DMD: variants seen among roughly 807,000 people sequenced by gnomAD.
DMD encodes mutant dystrophin.
A neutral mutation model predicts 330.1 loss-of-function variants in DMD; 63 were observed. That is an observed-to-expected ratio of 0.19 (90% CI 0.16 to 0.24). DMD has a LOEUF of 0.24. Ranked by LOEUF, DMD falls within the 10% of genes least tolerant of loss-of-function variation. The pLI is 1.00. For synonymous variants in DMD, 1,223 were observed against 959.8 expected (o/e 1.27, Z -5.07); for missense variants, 3,344 against 2,684.1 (o/e 1.25, Z -5.43).
chrX:33,324,993 T>C (rs1448559266), intron 1 of DMD, among the ~76,000 whole-genome samples: 1 of 111,925 alleles, frequency 8.9e-6, no homozygotes, highest in Non-Finnish European at 1.9e-5. Flanking sequence ...ACAATGTTTG[T>C]AAATGTAGTC....
At chrX:32,708,376 C>A (rs1018007138) in intron 7 of DMD, among the ~76,000 whole-genome samples, 5 of 109,046 alleles carry the variant, frequency 4.6e-5, no homozygotes, top group Non-Finnish European at 9.5e-5. Context: ...TTGATCAAAT[C>A]CTGACCCTAT....
intron 18 of DMD, among the ~76,000 whole-genome samples, chrX:32,511,207 T>G (rs753445916): frequency 9.9e-5 from 11 of 110,562 alleles, no homozygotes; most frequent in African/African-American, 3.6e-4. Context: ...CCTTCACTAC[T>G]GTACAAAAAG....
At chrX:32,199,780 TTGTGTGTGTGTGTG>T (rs35897988) in intron 44 of DMD, among the ~76,000 whole-genome samples, 61 of 84,140 alleles carry the variant, frequency 7.2e-4, no homozygotes, top group African/African-American at 2.1e-3. Flanking sequence ...CGCAAGGCTT[TTGTGTGTGTGTGTG>T]TGTGTGTGTG....
chrX:32,595,626 G>A, intron 13 of DMD, 131 bp downstream of exon 13: 2 of 603,322 alleles, frequency 3.3e-6, no homozygotes, highest in Non-Finnish European at 2.7e-6. Context: ...GATTATGAGT[G>A]TGTGTATATT....
intron 44 of DMD, among the ~76,000 whole-genome samples, chrX:32,032,951 AACAGATTC>A (rs373704074): frequency 1.9e-4 from 21 of 112,450 alleles, no homozygotes; most frequent in African/African-American, 6.5e-4. Context: ...GAAAAAAGGC[AACAGATTC>A]ACAATAGCTA....
At chrX:31,643,517 A>C (rs1439027345) in intron 54 of DMD, among the ~76,000 whole-genome samples, 1 of 112,054 alleles carries the variant, frequency 8.9e-6, no homozygotes, top group African/African-American at 3.2e-5. Flanking sequence ...ATCTGCATGA[A>C]AAATAATAGG....
At chrX:33,234,677 G>A (rs1465979207) in intron 1 of DMD, among the ~76,000 whole-genome samples, 1 of 111,882 alleles carries the variant, frequency 8.9e-6, no homozygotes, top group Non-Finnish European at 1.9e-5. Context: ...TCTAGATTAT[G>A]TATATTGTCT....
At chrX:31,991,312 G>A (rs1214195657) in intron 44 of DMD, among the ~76,000 whole-genome samples, 2 of 111,336 alleles carry the variant, frequency 1.8e-5, no homozygotes, top group Non-Finnish European at 3.8e-5. Flanking sequence ...CAAATGGAAA[G>A]GAAAGCAGGC....
At chrX:33,256,638 T>C (rs2052860773) in intron 1 of DMD, among the ~76,000 whole-genome samples, 2 of 110,663 alleles carry the variant, frequency 1.8e-5, no homozygotes, top group Admixed American at 1.9e-4. Flanking sequence ...AAGGTATATT[T>C]ACATATTAAT....
At chrX:32,991,181 T>G (rs1388726157) in intron 2 of DMD, among the ~76,000 whole-genome samples, 3 of 111,483 alleles carry the variant, frequency 2.7e-5, no homozygotes, top group Non-Finnish European at 3.8e-5. Flanking sequence ...TCAGGTTATT[T>G]CTAAGGTACT....
intron 19 of DMD, among the ~76,000 whole-genome samples, chrX:32,495,049 T>G (rs2043352452): frequency 9.0e-6 from 1 of 111,562 alleles, no homozygotes. Flanking sequence ...CATGTGAGAT[T>G]GAAGTTATAA....
intron 11 of DMD, among the ~76,000 whole-genome samples, chrX:32,643,812 T>C (rs2059621442): frequency 8.9e-6 from 1 of 111,858 alleles, no homozygotes; most frequent in African/African-American, 3.2e-5. Context: ...CAATCTCCTG[T>C]GCATGCTTCT....
At chrX:32,394,350 C>T (rs759914941) in intron 30 of DMD, among the ~76,000 whole-genome samples, 67 of 111,706 alleles carry the variant, frequency 6.0e-4, no homozygotes, top group Non-Finnish European at 8.1e-4. Flanking sequence ...ATTTAAATTT[C>T]AGGGCTCTCT....
chrX:32,324,004 C>A (rs1248483230), intron 41 of DMD, among the ~76,000 whole-genome samples: 4 of 109,434 alleles, frequency 3.7e-5, no homozygotes, highest in African/African-American at 1.3e-4. Context: ...TGTAGGTGGG[C>A]GGAATGGGTG....
intron 1 of DMD, among the ~76,000 whole-genome samples, chrX:33,083,480 G>A (rs1437680548): frequency 9.0e-6 from 1 of 111,393 alleles, no homozygotes; most frequent in Non-Finnish European, 1.9e-5. Flanking sequence ...GAGGTCTCTG[G>A]GCAAGGGAAA....
At chrX:31,922,315 C>A (rs949807986) in intron 47 of DMD, among the ~76,000 whole-genome samples, 3 of 111,549 alleles carry the variant, frequency 2.7e-5, no homozygotes, top group African/African-American at 9.8e-5. Context: ...CCATACCTCA[C>A]CCTATGCATC....
intron 15 of DMD, among the ~76,000 whole-genome samples, chrX:32,572,791 C>A: frequency 1.8e-5 from 2 of 110,787 alleles, no homozygotes; most frequent in Middle Eastern, 9.3e-3. Flanking sequence ...GAGGTAGGGC[C>A]TGGTGGGAGG....
intron 62 of DMD, among the ~76,000 whole-genome samples, chrX:31,300,215 A>G (rs778267953): frequency 8.9e-6 from 1 of 112,277 alleles, no homozygotes; most frequent in African/African-American, 3.2e-5. Context: ...GGTGCAGCCA[A>G]CAAAAAACCG....
At chrX:32,130,100 T>C (rs1425774417) in intron 44 of DMD, among the ~76,000 whole-genome samples, 1 of 110,081 alleles carries the variant, frequency 9.1e-6, no homozygotes, top group Non-Finnish European at 1.9e-5. Flanking sequence ...CAGGGACGTC[T>C]TTACCAATGT....
Sources: gnomAD v4.1 joint callset for allele counts (sites outside exome capture counted in the v4.1 genomes callset) on GRCh38, gnomAD v4.1.1 for gene constraint, MANE v1.5 for transcripts, NCBI Gene and HGNC (gene_info 2026-07-23, HGNC 2026-07-21) for gene names.